Variants in RIN2 observed in about 807,000 individuals in gnomAD.
The protein encoded by RIN2 is RAB5 interacting protein 2.
In RIN2, 36 loss-of-function variants were observed where a neutral mutation model predicts 78.0. That is an observed-to-expected ratio of 0.46 (90% CI 0.35 to 0.61). RIN2 has a LOEUF of 0.61. RIN2 is among the 20% of genes least tolerant of loss of function. The pLI, the probability that RIN2 is intolerant of heterozygous loss-of-function variation, is 0.00. For missense variants in RIN2, 1,087 were observed against 1,159.7 expected (o/e 0.94, Z 0.91); for synonymous variants, 466 against 466.8 (o/e 1.00, Z 0.02).
chr20:19,975,282 GC>G lies in RIN2; in HGVS notation c.1262del (p.Pro421ArgfsTer9). 1 of 1,598,072 alleles carries G rather than the reference GC, an allele frequency of 6.3e-7. No homozygotes were observed. The highest frequency in any genetic ancestry group is 1.7e-5 in the Admixed American group (1 of 57,482). On this transcript the variant is annotated frameshift_variant, in exon 9 of 13. Transcript: ENST00000255006. LOFTEE classifies it high-confidence loss of function. This position sits in a 1 kb window ranked among gnomAD's most constrained non-coding sequence, Gnocchi z 4.9. ...CCCCGCCGCCCAGCTCTGAATCACG[GC>G]CCCCGTGCCATGGAGGCCGGCAGCG... is the stretch of plus-strand genomic sequence containing the variant. ...RAPPPSSESR[P>X]PCHGGRQRLS...
At chr20:19,851,654 C>A (rs905417542) in intron 2 of RIN2, among the ~76,000 whole-genome samples, 2 of 151,904 alleles carry the variant, frequency 1.3e-5, no homozygotes, top group African/African-American at 4.8e-5. Flanking sequence ...CCTAGGAGGT[C>A]GAGAATGCAG....
At chr20:19,935,657 C>A in intron 4 of RIN2, 1 of 977,816 alleles carries the variant, frequency 1.0e-6, no homozygotes, top group Non-Finnish European at 1.2e-6. Flanking sequence ...CCTGAAAAGC[C>A]GTGCAGTGAT....
rs559838557 is a variant in RIN2 at position 19,759,582 on chromosome 20, A to G, written c.-163+1255A>G. 7.9e-5 allele frequency among the ~76,000 whole-genome samples: 12 copies of G among 152,220 alleles called. No individual in the cohort carries two copies. The South Asian group carries it at 2.3e-3, about 29-fold the overall frequency. Reference sequence around the variant, plus strand: ...GGGTGTTGTTAGAACCCTGCTTCATAGGCCGGGTGCAGTGGCTTATGCCTG... The same window carrying G: ...GGGTGTTGTTAGAACCCTGCTTCATGGGCCGGGTGCAGTGGCTTATGCCTG... On this transcript the variant is annotated intron_variant, in intron 1 of 12. Transcript: ENST00000255006.
intron 2 of RIN2, among the ~76,000 whole-genome samples, chr20:19,828,352 T>C (rs2036156152): frequency 1.3e-5 from 2 of 152,214 alleles, no homozygotes; most frequent in African/African-American, 4.8e-5. Context: ...GAATAGCAGC[T>C]CCACCCACAG....
At chr20:19,997,081 T>G (rs1160953245) in intron 12 of RIN2, among the ~76,000 whole-genome samples, 2 of 152,116 alleles carry the variant, frequency 1.3e-5, no homozygotes, top group African/African-American at 2.4e-5. Context: ...AGGCAGAATC[T>G]CTGCCCAATC....
intron 2 of RIN2, among the ~76,000 whole-genome samples, chr20:19,819,226 G>GA: frequency 1.3e-5 from 2 of 152,304 alleles, no homozygotes; most frequent in East Asian, 3.9e-4. Context: ...AGGTCCAGGT[G>GA]CCAGCATGGT....
At chr20:19,813,338 G>A (rs1391868090) in intron 2 of RIN2, among the ~76,000 whole-genome samples, 1 of 152,206 alleles carries the variant, frequency 6.6e-6, no homozygotes, top group Non-Finnish European at 1.5e-5. Flanking sequence ...ATGACTTTAG[G>A]TCAGTTGGCT....
chr20:19,935,318 G>T, intron 4 of RIN2, 119 bp downstream of exon 4: 1 of 1,242,312 alleles, frequency 8.0e-7, no homozygotes, highest in Non-Finnish European at 1.1e-6. Context: ...TGTGGTAGCA[G>T]CTCTAGATGA....
chr20:19,906,026 C>T (rs1054729463), intron 3 of RIN2, among the ~76,000 whole-genome samples: 41 of 152,118 alleles, frequency 2.7e-4, no homozygotes, highest in African/African-American at 9.9e-4. Context: ...ATGCCAGGGC[C>T]ATGAATCTAT....
At chr20:19,871,202 G>T (rs2037679904) in intron 2 of RIN2, among the ~76,000 whole-genome samples, 1 of 152,186 alleles carries the variant, frequency 6.6e-6, no homozygotes, top group African/African-American at 2.4e-5. Flanking sequence ...GGCACATGGG[G>T]ATCCTAAGAG....
rs1298275195 is a variant in RIN2, at chr20:19,992,260, A to G, written c.2161A>G (p.Met721Val). ...MLELDTEIEY[M>V]MELLDPSLLH... ...TGAATTGGACACTGAAATCGAGTAC[A>G]TGATGGAGCTCCTAGACCCATCGCT... The change falls in exon 11 of 13, where the codon ATG becomes GTG. Residue 721 changes from methionine (M) to valine (V), a missense_variant. This residue lies in a region of RIN2 where 45 missense variants were observed against 88.1 expected (regional missense o/e 0.51). Transcript: ENST00000255006. The G allele has an allele frequency of 1.3e-6, 2 of 1,590,640 alleles. No individual in the cohort carries two copies. The highest frequency in any genetic ancestry group is 1.7e-6 in the Non-Finnish European group (2 of 1,167,542).
chr20:19,988,016 T>A (rs1364459531), intron 9 of RIN2, among the ~76,000 whole-genome samples: 1 of 152,196 alleles, frequency 6.6e-6, no homozygotes, highest in South Asian at 2.1e-4. Context: ...TGCGTTAGAT[T>A]TATCTTTGTC....
chr20:19,970,201 C>A (rs2042062062), intron 7 of RIN2, among the ~76,000 whole-genome samples: 1 of 152,212 alleles, frequency 6.6e-6, no homozygotes, highest in Non-Finnish European at 1.5e-5. Context: ...GGCAGAAATG[C>A]CGAATCTCCA....
At chr20:19,902,819 C>T (rs1380842399) in intron 3 of RIN2, among the ~76,000 whole-genome samples, 3 of 152,150 alleles carry the variant, frequency 2.0e-5, no homozygotes, top group Non-Finnish European at 4.4e-5. Context: ...TTTGGCCGGG[C>T]ACGGTGGCTC....
intron 1 of RIN2, among the ~76,000 whole-genome samples, chr20:19,762,184 C>T (rs752636522): frequency 6.6e-6 from 1 of 152,182 alleles, no homozygotes; most frequent in Admixed American, 6.5e-5. Flanking sequence ...CTGCAGCCCC[C>T]GTTCACAAGC....
chr20:19,941,792 C>T (rs2040881464), intron 4 of RIN2, among the ~76,000 whole-genome samples: 1 of 152,062 alleles, frequency 6.6e-6, no homozygotes, highest in Non-Finnish European at 1.5e-5. Context: ...ACACTATCAC[C>T]AATGTAGCAA....
At chr20:19,931,406 G>A (rs1397092736) in intron 3 of RIN2, among the ~76,000 whole-genome samples, 2 of 152,124 alleles carry the variant, frequency 1.3e-5, no homozygotes, top group Admixed American at 6.5e-5. Context: ...CTCCCAAAAT[G>A]CTGAGATTAC....
At chr20:19,843,089 C>T (rs1220711067) in intron 2 of RIN2, among the ~76,000 whole-genome samples, 2 of 152,164 alleles carry the variant, frequency 1.3e-5, no homozygotes, top group East Asian at 3.9e-4. Flanking sequence ...TACTGCAATC[C>T]CATGATAAAA....
intron 2 of RIN2, among the ~76,000 whole-genome samples, chr20:19,817,998 T>C (rs2035814189): frequency 6.6e-6 from 1 of 151,644 alleles, no homozygotes; most frequent in Non-Finnish European, 1.5e-5. Context: ...TTTGCCATTG[T>C]GCAAATGTTG....
Sources: allele counts gnomAD v4.1 joint callset (sites outside exome capture counted in the v4.1 genomes callset), GRCh38; gene constraint gnomAD v4.1.1; regional missense constraint gnomAD v4.1.1; non-coding constraint Gnocchi (gnomAD v3.1); transcripts MANE v1.5; gene names NCBI Gene and HGNC (gene_info 2026-07-23, HGNC 2026-07-21).